Variants in PLCL1 observed in about 807,000 individuals in gnomAD.
PLCL1 encodes inactive phospholipase C-like protein 1.
Under a neutral mutation model 84.4 loss-of-function variants are expected in PLCL1, and 41 were observed. The observed-to-expected ratio is 0.49, with a 90% CI of 0.38 to 0.63. The LOEUF (loss-of-function observed/expected upper bound fraction) is 0.63. PLCL1 is among the 30% of genes least tolerant of loss of function. PLCL1 has a pLI of 0.00. For missense variants in PLCL1, 1,206 were observed against 1,367.8 expected (o/e 0.88, Z 1.87); for synonymous variants, 490 against 488.3 (o/e 1.00, Z -0.05).
intron 5 of PLCL1, among the ~76,000 whole-genome samples, chr2:198,126,260 C>T (rs1437033711): frequency 6.6e-6 from 1 of 152,046 alleles, no homozygotes; most frequent in Non-Finnish European, 1.5e-5. Flanking sequence ...CTGTGCTTAC[C>T]CCCCAACTCC....
intron 1 of PLCL1, among the ~76,000 whole-genome samples, chr2:198,070,837 A>G (rs1368739937): frequency 1.3e-5 from 2 of 152,000 alleles, no homozygotes; most frequent in Non-Finnish European, 2.9e-5. Flanking sequence ...TGAGGTAATT[A>G]TAGGACTAAT....
intron 1 of PLCL1, among the ~76,000 whole-genome samples, chr2:197,831,762 A>G (rs576869930): frequency 1.3e-5 from 2 of 152,294 alleles, no homozygotes; most frequent in East Asian, 3.9e-4. Flanking sequence ...TTGCCCACAT[A>G]ATTGGAAATA....
At chr2:197,835,250 C>G (rs1421613782) in intron 1 of PLCL1, among the ~76,000 whole-genome samples, 1 of 152,108 alleles carries the variant, frequency 6.6e-6, no homozygotes, top group African/African-American at 2.4e-5. Context: ...AACTATGTAA[C>G]AAACTGCACA....
At chr2:198,125,092 G>A (rs941976757) in intron 5 of PLCL1, among the ~76,000 whole-genome samples, 3 of 152,118 alleles carry the variant, frequency 2.0e-5, no homozygotes, top group Non-Finnish European at 2.9e-5. Context: ...CTGGGCTCTA[G>A]AGTTGTGCCA....
At chr2:197,889,449 C>T (rs1201650554) in intron 1 of PLCL1, among the ~76,000 whole-genome samples, 1 of 152,102 alleles carries the variant, frequency 6.6e-6, no homozygotes, top group African/African-American at 2.4e-5. Flanking sequence ...AAAAAACAGG[C>T]TTTAAAAGCT....
intron 5 of PLCL1, among the ~76,000 whole-genome samples, chr2:198,113,927 G>T (rs1693680585): frequency 6.6e-6 from 1 of 151,634 alleles, no homozygotes; most frequent in Non-Finnish European, 1.5e-5. Flanking sequence ...TCATTTAATA[G>T]CTTATAGTTA....
At chr2:197,848,752 C>A (rs1236564876) in intron 1 of PLCL1, among the ~76,000 whole-genome samples, 1 of 152,068 alleles carries the variant, frequency 6.6e-6, no homozygotes, top group Non-Finnish European at 1.5e-5. Context: ...AAACCACTTG[C>A]AGGTGTTGTG....
rs1365723222 is a variant in PLCL1, at chr2:198,149,856, A to C, written c.*2894A>C. 2 of 152,236 alleles carry C rather than the reference A, an allele frequency of 1.3e-5. No individual in the cohort carries two copies. The highest frequency in any genetic ancestry group is 4.8e-5 in the African/African-American group (2 of 41,470). 9.4% of individuals were successfully genotyped at this position (152,236 alleles called of 1,614,324 possible). ...TTTCTGTGTCAATAAATGTGTATTTACATTAGAGTTCCAAGCATTTGAACT... is the reference window on the plus strand; with the variant it reads ...TTTCTGTGTCAATAAATGTGTATTTCCATTAGAGTTCCAAGCATTTGAACT... On this transcript the variant is annotated 3_prime_UTR_variant, in exon 6 of 6. Coordinates refer to ENST00000428675, the MANE Select transcript of PLCL1 (RefSeq NM_006226.4).
At position 197,836,215 on chromosome 2, in the gene PLCL1, G is replaced by A. The variant is rs1020214628; in HGVS notation, c.240+30876G>A. 2.2e-4 allele frequency among the ~76,000 whole-genome samples: 34 copies of A among 151,754 alleles called. 2 individuals are homozygous for A. The highest frequency in any genetic ancestry group is 7.7e-4 in the African/African-American group (32 of 41,308). ...CTTACCTTTACTTTGGGAGGCCGAGGCGGGCGGATCACGAGGTCAGGAGAT... is the reference window on the plus strand; with the variant it reads ...CTTACCTTTACTTTGGGAGGCCGAGACGGGCGGATCACGAGGTCAGGAGAT... On this transcript the variant is annotated intron_variant, in intron 1 of 5. Transcript: ENST00000428675.
At chr2:197,871,521 C>T (rs1687652040) in intron 1 of PLCL1, among the ~76,000 whole-genome samples, 1 of 152,054 alleles carries the variant, frequency 6.6e-6, no homozygotes, top group Non-Finnish European at 1.5e-5. Context: ...CCCTTGTTGG[C>T]TTAAAACGGA....
intron 1 of PLCL1, among the ~76,000 whole-genome samples, chr2:197,947,098 G>A (rs1331481677): frequency 6.6e-6 from 1 of 152,030 alleles, no homozygotes; most frequent in African/African-American, 2.4e-5. Context: ...TGGGCAAATA[G>A]GGGTGAACAT....
At chr2:198,115,317 G>C (rs939135091) in intron 5 of PLCL1, among the ~76,000 whole-genome samples, 4 of 151,840 alleles carry the variant, frequency 2.6e-5, no homozygotes, top group African/African-American at 7.2e-5. Context: ...CAGACAAACA[G>C]TTCAGCTAGT....
intron 1 of PLCL1, among the ~76,000 whole-genome samples, chr2:198,020,073 G>C (rs1490002245): frequency 6.6e-6 from 1 of 152,102 alleles, no homozygotes; most frequent in Non-Finnish European, 1.5e-5. Context: ...AAGAGAGTGG[G>C]GACCAATATT....
rs185362912 is a variant in PLCL1 at position 197,830,392 on chromosome 2, C to T, written c.240+25053C>T. ...TGAAACATACAAAAGTATCACTAGC[C>T]GAATCGATCAAGCAGAAGAAAGGAT... On this transcript the variant is annotated intron_variant, in intron 1 of 5. Transcript: ENST00000428675. 3.2e-4 allele frequency among the ~76,000 whole-genome samples: 48 copies of T among 151,340 alleles called. No homozygotes were observed. The East Asian group carries it at 7.3e-3, about 23-fold the overall frequency.
chr2:197,911,442 A>T (rs972175185), intron 1 of PLCL1, among the ~76,000 whole-genome samples: 2 of 152,084 alleles, frequency 1.3e-5, no homozygotes, highest in Non-Finnish European at 2.9e-5. Flanking sequence ...TATTTGAGGG[A>T]ATATCTGAAA....
chr2:197,928,349 A>G (rs1218865112), intron 1 of PLCL1, among the ~76,000 whole-genome samples: 1 of 152,144 alleles, frequency 6.6e-6, no homozygotes, highest in African/African-American at 2.4e-5. Context: ...ACTAAGTACT[A>G]ACTATGAAGA....
chr2:197,900,981 T>C (rs184965556), intron 1 of PLCL1, among the ~76,000 whole-genome samples: 321 of 152,280 alleles, frequency 2.1e-3, no homozygotes, highest in African/African-American at 7.5e-3. Flanking sequence ...CTTTACTTCC[T>C]GGGATTTTGA....
intron 1 of PLCL1, among the ~76,000 whole-genome samples, chr2:197,972,959 C>T (rs1460068784): frequency 6.6e-6 from 1 of 152,128 alleles, no homozygotes; most frequent in Non-Finnish European, 1.5e-5. Flanking sequence ...AGGAAGAATC[C>T]AACTGACACA....
intron 1 of PLCL1, among the ~76,000 whole-genome samples, chr2:197,947,374 A>C (rs765386588): frequency 7.2e-5 from 11 of 151,842 alleles, no homozygotes; most frequent in Non-Finnish European, 1.5e-4. Flanking sequence ...CAGAGTTTCT[A>C]ATTCAGTAGG....
Sources: allele counts gnomAD v4.1 joint callset (sites outside exome capture counted in the v4.1 genomes callset), GRCh38; gene constraint gnomAD v4.1.1; transcripts MANE v1.5; gene names NCBI Gene and HGNC (gene_info 2026-07-23, HGNC 2026-07-21).